The following CSMD1 variants were observed in gnomAD, a reference collection of about 807,000 sequenced individuals.
CSMD1 encodes CUB and sushi domain-containing protein 1.
In CSMD1, 213 loss-of-function variants were observed where a neutral mutation model predicts 417.5. The observed-to-expected ratio is 0.51, with a 90% CI of 0.46 to 0.57. The LOEUF (loss-of-function observed/expected upper bound fraction) is 0.57, where lower values mean the gene tolerates loss of function less well. Among genes scored for constraint, CSMD1 ranks in the 20% least tolerant of loss-of-function variants. CSMD1 has a pLI of 0.00. For synonymous variants in CSMD1, 2,862 were observed against 1,736.8 expected, an observed-to-expected ratio of 1.65 and a Z score of -16.11; for missense variants, 6,923 against 4,529.7, an observed-to-expected ratio of 1.53 and a Z score of -15.17.
intron 5 of CSMD1, among the ~76,000 whole-genome samples, chr8:3,782,172 G>A (rs1364570620): frequency 6.6e-6 from 1 of 152,120 alleles, no homozygotes; most frequent in Non-Finnish European, 1.5e-5. Context: ...CGAAGTCAAA[G>A]AAGTTCATGT....
At position 3,085,806 on chromosome 8, in the gene CSMD1, T is replaced by C. The variant is rs750807088; in HGVS notation, c.7474+1291A>G. On this transcript the variant is annotated intron_variant, in intron 49 of 69. Coordinates refer to ENST00000635120, the MANE Select transcript of CSMD1 (RefSeq NM_033225.6). The stretch of plus-strand genomic sequence containing the variant: ...ATCCGTTTCCAGAACTCCTTGCATA[T>C]CCATCAGAAAGATGGACTAGCATGT... Among the ~76,000 whole-genome samples the C allele has an allele frequency of 1.2e-4, 18 of 152,290 alleles. No individual in the cohort carries two copies. The South Asian group carries it at 2.7e-3, about 23-fold the overall frequency.
At chr8:3,108,192 C>T (rs1176655675) in intron 44 of CSMD1, among the ~76,000 whole-genome samples, 3 of 152,108 alleles carry the variant, frequency 2.0e-5, no homozygotes, top group African/African-American at 4.8e-5. Context: ...GAGAGATAAG[C>T]GATTGATTGA....
intron 5 of CSMD1, among the ~76,000 whole-genome samples, chr8:3,833,157 T>A (rs944866791): frequency 2.0e-5 from 3 of 152,150 alleles, no homozygotes; most frequent in Admixed American, 2.0e-4. Context: ...CTTTAAAATT[T>A]CAGGAAAGTA....
intron 2 of CSMD1, among the ~76,000 whole-genome samples, chr8:4,552,231 C>G (rs1407509099): frequency 6.6e-6 from 1 of 152,106 alleles, no homozygotes; most frequent in Non-Finnish European, 1.5e-5. Flanking sequence ...GTGAGCCTCC[C>G]TTTCAAGGTT....
chr8:3,110,100 G>A (rs1563053978), intron 43 of CSMD1, 58 bp downstream of exon 43: 5 of 1,410,182 alleles, frequency 3.5e-6, no homozygotes, highest in Non-Finnish European at 4.8e-6. Context: ...GCATATGTAT[G>A]CTAAGTCAGA....
intron 1 of CSMD1, among the ~76,000 whole-genome samples, chr8:4,927,429 G>A (rs984948188): frequency 4.6e-5 from 7 of 152,154 alleles, no homozygotes; most frequent in African/African-American, 7.2e-5. Context: ...GTGAGGCACA[G>A]TGTGAAAGTT....
chr8:3,470,062 G>A (rs913126158), intron 11 of CSMD1, among the ~76,000 whole-genome samples: 9 of 151,642 alleles, frequency 5.9e-5, no homozygotes, highest in African/African-American at 1.9e-4. Flanking sequence ...AAAGTGAACC[G>A]CCACACAGAT....
At chr8:4,201,439 G>C (rs1236172730) in intron 3 of CSMD1, among the ~76,000 whole-genome samples, 1 of 149,576 alleles carries the variant, frequency 6.7e-6, no homozygotes, top group Non-Finnish European at 1.5e-5. Context: ...TCAGGAGGCT[G>C]AGGCAGGAGA....
At chr8:4,602,977 T>A (rs918169548) in intron 2 of CSMD1, among the ~76,000 whole-genome samples, 16 of 151,972 alleles carry the variant, frequency 1.1e-4, no homozygotes, top group Admixed American at 3.3e-4. Context: ...TTCAGACTAT[T>A]TGTAATTTAG....
chr8:3,074,936 G>A (rs1813545674), intron 49 of CSMD1, among the ~76,000 whole-genome samples: 1 of 152,202 alleles, frequency 6.6e-6, no homozygotes, highest in South Asian at 2.1e-4. Context: ...TTGGAGGTGG[G>A]GCCTGGAGGG....
chr8:4,362,383 G>C (rs912786074), intron 3 of CSMD1, among the ~76,000 whole-genome samples: 1 of 150,434 alleles, frequency 6.6e-6, no homozygotes, highest in African/African-American at 2.5e-5. Context: ...TGGTCCAGCA[G>C]AGCCTGGGGA....
chr8:3,049,656 A>C (rs1811686009), intron 50 of CSMD1, among the ~76,000 whole-genome samples: 1 of 152,096 alleles, frequency 6.6e-6, no homozygotes, highest in South Asian at 2.1e-4. Flanking sequence ...ATGGGTGGGC[A>C]AAGGAGACTT....
intron 2 of CSMD1, among the ~76,000 whole-genome samples, chr8:4,474,539 G>T (rs9657367): frequency 5.9e-5 from 9 of 151,962 alleles, no homozygotes; most frequent in African/African-American, 1.7e-4. Context: ...CAGATGTCAT[G>T]GGGTTTAGCA....
At chr8:4,008,297 G>C (rs550236872) in intron 4 of CSMD1, among the ~76,000 whole-genome samples, 40 of 152,066 alleles carry the variant, frequency 2.6e-4, no homozygotes, top group Admixed American at 1.3e-4. Context: ...AACAAATATA[G>C]TTATTCTGTT....
At chr8:4,949,969 T>G (rs1808629861) in intron 1 of CSMD1, among the ~76,000 whole-genome samples, 1 of 152,126 alleles carries the variant, frequency 6.6e-6, no homozygotes, top group South Asian at 2.1e-4. Flanking sequence ...AAACAGTTAA[T>G]GCAAATGTTT....
At chr8:3,586,316 A>AG (rs1563176257) in intron 8 of CSMD1, 56 bp from the exon 9 acceptor site, 4 of 1,449,558 alleles carry the variant, frequency 2.8e-6, no homozygotes, top group Middle Eastern at 1.8e-4. Context: ...AGACTTCTTT[A>AG]GGAAAAAAAA....
chr8:4,957,760 G>A (rs1014652071), intron 1 of CSMD1, among the ~76,000 whole-genome samples: 1 of 152,060 alleles, frequency 6.6e-6, no homozygotes, highest in South Asian at 2.1e-4. Context: ...GACTCACCAT[G>A]CTTAATTTAA....
intron 1 of CSMD1, among the ~76,000 whole-genome samples, chr8:4,660,199 T>C (rs1726588999): frequency 2.0e-5 from 3 of 151,240 alleles, no homozygotes; most frequent in South Asian, 4.2e-4. Context: ...GATGACATAA[T>C]GTTCTTTGTA....
chr8:4,626,586 A>G (rs940283680), intron 2 of CSMD1, among the ~76,000 whole-genome samples: 3 of 152,108 alleles, frequency 2.0e-5, no homozygotes, highest in Non-Finnish European at 4.4e-5. Context: ...CATGGAGCCA[A>G]GGAAATCCAG....
Sources: allele counts gnomAD v4.1 joint callset (sites outside exome capture counted in the v4.1 genomes callset), GRCh38; gene constraint gnomAD v4.1.1; transcripts MANE v1.5; gene names NCBI Gene and HGNC (gene_info 2026-07-23, HGNC 2026-07-21).